CAB39: variants seen among roughly 807,000 people sequenced by gnomAD.
CAB39 encodes the protein calcium binding protein 39, also known as calcium-binding protein 39.
A neutral mutation model predicts 40.0 loss-of-function variants in CAB39; 8 were observed. The ratio of observed to expected loss-of-function variants is 0.20; its 90% CI spans 0.12 to 0.36. The LOEUF (loss-of-function observed/expected upper bound fraction) is 0.36. Among genes scored for constraint, CAB39 ranks in the 10% least tolerant of loss-of-function variants. The pLI, the probability that CAB39 is intolerant of heterozygous loss-of-function variation, is 1.00. For missense variants in CAB39, 270 were observed against 401.1 expected (o/e 0.67, Z 2.79); for synonymous variants, 156 against 141.6 (o/e 1.10, Z -0.72).
intron 1 of CAB39, among the ~76,000 whole-genome samples, chr2:230,732,746 A>G (rs558398912): frequency 6.6e-6 from 1 of 152,192 alleles, no homozygotes; most frequent in African/African-American, 2.4e-5. Flanking sequence ...TGAGAGCAGG[A>G]TGGGATAAAT....
intron 1 of CAB39, among the ~76,000 whole-genome samples, chr2:230,742,623 C>G (rs1559594690): frequency 6.7e-6 from 1 of 148,314 alleles, no homozygotes. Context: ...CGATATCCTA[C>G]AAGTCAATAA....
intron 1 of CAB39, among the ~76,000 whole-genome samples, chr2:230,738,258 G>A (rs1244730260): frequency 6.6e-6 from 1 of 152,188 alleles, no homozygotes; most frequent in Non-Finnish European, 1.5e-5. Flanking sequence ...GAAACACCTA[G>A]CGAATATGTA....
At chr2:230,762,229 A>G (rs931792947) in intron 2 of CAB39, among the ~76,000 whole-genome samples, 3 of 152,172 alleles carry the variant, frequency 2.0e-5, no homozygotes, top group Non-Finnish European at 4.4e-5. Context: ...TTGTAAACGC[A>G]GGATTCAAGT....
chr2:230,791,012 T>C lies in CAB39; in HGVS notation c.255T>C (p.Ala85=), dbSNP rs566584411. ...YNSGLLSTLV[A]DLQLIDFEGK... is the part of the protein sequence containing the mutation. ...GTGGGCTCCTTAGCACCCTGGTAGC[T>C]GATTTACAGCTCATTGACTTTGAGG... The change falls in exon 3 of 9, where the codon GCT becomes GCC. Residue 85 remains alanine (A), a synonymous_variant. Transcript: ENST00000258418. The C allele has an allele frequency of 2.5e-6, 4 of 1,599,526 alleles. No homozygotes were observed. The South Asian group carries it at 3.4e-5, about 14-fold the overall frequency.
At chr2:230,817,505 T>C (rs1234575752) in intron 7 of CAB39, among the ~76,000 whole-genome samples, 1 of 152,142 alleles carries the variant, frequency 6.6e-6, no homozygotes, top group Non-Finnish European at 1.5e-5. Context: ...GGGGGCATCT[T>C]GAACATCCTC....
intron 1 of CAB39, chr2:230,725,118 G>A (rs1694539564): frequency 1.2e-6 from 2 of 1,612,124 alleles, no homozygotes; most frequent in Non-Finnish European, 8.5e-7. Flanking sequence ...TTGAGGGCTG[G>A]GGATTGAGAG....
At chr2:230,753,542 C>G (rs370153001) in intron 1 of CAB39, among the ~76,000 whole-genome samples, 1 of 151,986 alleles carries the variant, frequency 6.6e-6, no homozygotes, top group Non-Finnish European at 1.5e-5. Context: ...ATCACGAGGT[C>G]AGGAGTTCAA....
At chr2:230,813,282 A>G (rs1696335951) in intron 6 of CAB39, among the ~76,000 whole-genome samples, 1 of 152,188 alleles carries the variant, frequency 6.6e-6, no homozygotes. Flanking sequence ...ATGGGCTTCT[A>G]GCCTTCACCA....
At chr2:230,718,367 A>C (rs1049330563) in intron 1 of CAB39, among the ~76,000 whole-genome samples, 2 of 152,208 alleles carry the variant, frequency 1.3e-5, no homozygotes, top group Non-Finnish European at 2.9e-5. Context: ...AGTAGATTAT[A>C]TATCAGCTGT....
intron 1 of CAB39, among the ~76,000 whole-genome samples, chr2:230,746,815 A>C (rs1460558672): frequency 6.6e-6 from 1 of 152,072 alleles, no homozygotes; most frequent in African/African-American, 2.4e-5. Flanking sequence ...TGTTTTCAGA[A>C]ATGTTCTTCA....
At chr2:230,748,826 AAAAAAATATATATATATATATATAT>A (rs1345404109) in intron 1 of CAB39, among the ~76,000 whole-genome samples, 3 of 70,578 alleles carry the variant, frequency 4.3e-5, no homozygotes, top group Non-Finnish European at 7.9e-5. Context: ...AAAAAAAAAA[AAAAAAATATATATATATATATATAT>A]ATATATATAT....
intron 2 of CAB39, chr2:230,779,259 C>A (rs1294280718): frequency 6.6e-6 from 1 of 152,218 alleles, no homozygotes; most frequent in African/African-American, 2.4e-5. Flanking sequence ...CTTTGCCAAG[C>A]CCCAGACCCT....
chr2:230,766,210 C>T (rs1009074706), intron 2 of CAB39, among the ~76,000 whole-genome samples: 5 of 152,048 alleles, frequency 3.3e-5, no homozygotes, highest in Admixed American at 2.6e-4. Context: ...CAGGTGCTTG[C>T]GACCTGTTGA....
chr2:230,788,174 A>G (rs1695827235), intron 2 of CAB39, among the ~76,000 whole-genome samples: 1 of 150,800 alleles, frequency 6.6e-6, no homozygotes, highest in African/African-American at 2.4e-5. Context: ...CCTTTATGTT[A>G]TGTCTCTTTA....
At chr2:230,759,199 T>A (rs1462419794) in intron 1 of CAB39, among the ~76,000 whole-genome samples, 5 of 152,116 alleles carry the variant, frequency 3.3e-5, no homozygotes, top group Non-Finnish European at 7.3e-5. Flanking sequence ...AATGGGAGAT[T>A]TTATTCCCCT....
intron 6 of CAB39, 55 bp from the exon 7 acceptor site, chr2:230,813,978 CTTTTTTTTTTTTTTTT>C (rs1160253213): frequency 1.5e-3 from 167 of 113,040 alleles, no homozygotes; most frequent in South Asian, 6.5e-3. Flanking sequence ...ACCTACCAGT[CTTTTTTTTTTTTTTTT>C]TTTTTTTTTT....
chr2:230,730,954 C>T (rs1311909369), intron 1 of CAB39, among the ~76,000 whole-genome samples: 2 of 152,118 alleles, frequency 1.3e-5, no homozygotes, highest in East Asian at 3.8e-4. Context: ...AAATGCTGCC[C>T]TAGGCATTTT....
chr2:230,723,315 C>T (rs1442532495), intron 1 of CAB39, among the ~76,000 whole-genome samples: 1 of 146,866 alleles, frequency 6.8e-6, no homozygotes, highest in East Asian at 2.0e-4. Flanking sequence ...TTCCCATTAT[C>T]TTTTTTTTTT....
intron 1 of CAB39, among the ~76,000 whole-genome samples, chr2:230,740,035 A>G (rs1480212882): frequency 6.6e-6 from 1 of 152,202 alleles, no homozygotes; most frequent in Non-Finnish European, 1.5e-5. Context: ...AGAATAAAGA[A>G]TGTCAGTATA....
Sources: gnomAD v4.1 joint callset for allele counts (sites outside exome capture counted in the v4.1 genomes callset) on GRCh38, gnomAD v4.1.1 for gene constraint, MANE v1.5 for transcripts, NCBI Gene and HGNC (gene_info 2026-07-23, HGNC 2026-07-21) for gene names.